The following METTL23 variants were observed in gnomAD, a reference collection of about 807,000 sequenced individuals.
The protein encoded by METTL23 is histone-arginine methyltransferase METTL23.
Under a neutral mutation model 21.2 loss-of-function variants are expected in METTL23, and 24 were observed. That is an observed-to-expected ratio of 1.13 (90% CI 0.82 to 1.59). The LOEUF (loss-of-function observed/expected upper bound fraction) is 1.59, where lower values mean the gene tolerates loss of function less well. Ranked by LOEUF, METTL23 falls within the 40% of genes most tolerant of loss-of-function variation. The pLI is 0.00. For missense variants in METTL23, 276 were observed against 221.4 expected (o/e 1.25, Z -1.57); for synonymous variants, 97 against 75.2 (o/e 1.29, Z -1.50).
intron 2 of METTL23, among the ~76,000 whole-genome samples, chr17:76,730,165 G>A (rs572906970): frequency 3.3e-5 from 5 of 152,012 alleles, no homozygotes; most frequent in South Asian, 2.1e-4. Flanking sequence ...GGTGGTGCAC[G>A]CCTGTAATCC....
Position 76,726,993 on chromosome 17 carries a change from GCTTCC to G in METTL23, c.-205_-201del, listed in dbSNP as rs2076965465. On this transcript the variant is annotated 5_prime_UTR_variant, in exon 1 of 5. Transcript: ENST00000341249. ...AGGTGCTACGGCCACGTGGCCCGCG[GCTTCC>G]CGCTCGCGCAGTCTGGCAGCCCGGA... The G allele has an allele frequency of 2.2e-6, 1 of 456,434 alleles. No homozygotes were observed. Among genetic ancestry groups the G allele is most frequent in the East Asian group, 7.0e-5 (1 of 14,380 alleles). The allele number at this position is 456,434 out of a possible 1,614,324, so 28.3% of individuals were successfully genotyped here.
upstream of METTL23, chr17:76,726,645 C>G (rs1212765652): frequency 5.3e-6 from 5 of 938,800 alleles, no homozygotes; most frequent in Admixed American, 3.1e-5. Flanking sequence ...CAGCCACCTC[C>G]CGAGCCTCGG....
intron 1 of METTL23, among the ~76,000 whole-genome samples, chr17:76,729,159 C>T (rs111745981): frequency 1.1e-4 from 17 of 151,502 alleles, no homozygotes; most frequent in South Asian, 4.2e-4. Context: ...GGCGCAGTCT[C>T]GGCTCACTGC....
At chr17:76,728,534 C>T (rs1252451814) in intron 1 of METTL23, among the ~76,000 whole-genome samples, 1 of 151,928 alleles carries the variant, frequency 6.6e-6, no homozygotes, top group South Asian at 2.1e-4. Flanking sequence ...CCTCAGCCTC[C>T]CAAGTAGCTG....
At chr17:76,731,305 T>C (rs1305818541) in intron 2 of METTL23, among the ~76,000 whole-genome samples, 2 of 152,336 alleles carry the variant, frequency 1.3e-5, no homozygotes, top group Admixed American at 6.5e-5. Context: ...GTATCAGTTC[T>C]GGAGGCAGTG....
At chr17:76,728,325 C>T (rs2077044307) in intron 1 of METTL23, among the ~76,000 whole-genome samples, 1 of 144,406 alleles carries the variant, frequency 6.9e-6, no homozygotes, top group Admixed American at 6.7e-5. Context: ...CAACCTCAAC[C>T]TCTGGGCTCA....
Position 76,733,623 on chromosome 17 carries a change from T to C in METTL23, c.510T>C (p.Ser170=), listed in dbSNP as rs1394390766. ...CAGACAAAGAAGATATAGCAGAATC[T>C]ACCCTTCCAGGAAGACATACAGTTG... ...FDADKEDIAE[S]TLPGRHTVEM... is the part of the protein sequence containing the mutation. The change falls in exon 5 of 5, where the codon TCT becomes TCC. Residue 170 remains serine (S), a synonymous_variant. Transcript: ENST00000341249. 4 of 1,613,918 alleles carry C rather than the reference T, an allele frequency of 2.5e-6. No individual in the cohort carries two copies. The highest frequency in any genetic ancestry group is 1.1e-5 in the South Asian group (1 of 91,068).
At chr17:76,730,321 T>C (rs2077149942) in intron 2 of METTL23, among the ~76,000 whole-genome samples, 2 of 151,044 alleles carry the variant, frequency 1.3e-5, no homozygotes, top group Non-Finnish European at 2.9e-5. Context: ...TTAAAGAAGA[T>C]ACTGGGTGTG....
chr17:76,729,253 T>C (rs530755474), intron 1 of METTL23, among the ~76,000 whole-genome samples: 1 of 152,106 alleles, frequency 6.6e-6, no homozygotes, highest in African/African-American at 2.4e-5. Context: ...TAATTTTTTG[T>C]ATTTTTAGTA....
chr17:76,731,728 A>G (rs1416457552), intron 2 of METTL23, among the ~76,000 whole-genome samples: 1 of 152,248 alleles, frequency 6.6e-6, no homozygotes, highest in Non-Finnish European at 1.5e-5. Flanking sequence ...GGCTAAATAG[A>G]CAAACCAGAA....
At chr17:76,731,254 AAC>A (rs2143835095) in intron 2 of METTL23, among the ~76,000 whole-genome samples, 1 of 152,084 alleles carries the variant, frequency 6.6e-6, no homozygotes, top group African/African-American at 2.4e-5. Context: ...CAGCCTGGGC[AAC>A]AGAGCGAGAC....
chr17:76,733,572 C>A lies in METTL23; in HGVS notation c.459C>A (p.Val153=). The change falls in exon 5 of 5, where the codon GTC becomes GTA. Residue 153 remains valine, a synonymous_variant. Coordinates refer to ENST00000341249, the MANE Select transcript of METTL23 (RefSeq NM_001080510.5). ...TCTACAAATGGGATATGAAATGTGT[C>A]CACATTCCTCTTGAGTCTTTTGATG... The part of the protein sequence containing the change: ...ALLYKWDMKC[V]HIPLESFDAD... 5.0e-6 allele frequency: 8 copies of A among 1,613,750 alleles called. No homozygotes were observed. Among genetic ancestry groups the A allele is most frequent in the Non-Finnish European group, 6.8e-6 (8 of 1,179,794 alleles).
At position 76,732,714 on chromosome 17, in the gene METTL23, C is replaced by T. The variant is rs1477588351; in HGVS notation, c.85-264C>T. On this transcript the variant is annotated intron_variant, in intron 2 of 4. Transcript: ENST00000341249. ...CCCAAAACTACTTCTGTGTGCATAG[C>T]AATTAACTGCCAGTTACGATACATG... is the stretch of plus-strand genomic sequence containing the variant. 3 of 508,828 alleles carry T rather than the reference C, an allele frequency of 5.9e-6. No individual in the cohort carries two copies. The East Asian group carries it at 1.1e-4, about 18-fold the overall frequency. The allele number at this position is 508,828 out of a possible 1,614,324, so 31.5% of individuals were successfully genotyped here. A position where few individuals can be genotyped will look rare whatever the true frequency, so the allele number is the denominator to read the frequency against.
intron 2 of METTL23, among the ~76,000 whole-genome samples, chr17:76,731,120 A>G (rs1214440122): frequency 1.3e-5 from 2 of 151,090 alleles, no homozygotes; most frequent in African/African-American, 4.9e-5. Context: ...AAAAAAAAAG[A>G]TAAAATTAGC....
In METTL23 at chr17:76,732,749, T is replaced by C. The variant is rs907697006; in HGVS notation, c.85-229T>C. 1.0e-5 allele frequency: 6 copies of C among 573,388 alleles called. No homozygotes were observed. The East Asian group carries it at 1.2e-4, about 11-fold the overall frequency. The allele number at this position is 573,388 out of a possible 1,614,324, so 35.5% of individuals were successfully genotyped here. On this transcript the variant is annotated intron_variant, in intron 2 of 4. Coordinates refer to ENST00000341249, the MANE Select transcript of METTL23 (RefSeq NM_001080510.5). Reference sequence around the variant, plus strand: ...CCAGTTACGATACATGGCCCTTTAATATTGAAATTGAAGGTTAAGCTTTTA... The same window carrying C: ...CCAGTTACGATACATGGCCCTTTAACATTGAAATTGAAGGTTAAGCTTTTA...
At chr17:76,727,435 A>T (rs1261548195) in intron 1 of METTL23, 7 of 227,542 alleles carry the variant, frequency 3.1e-5, no homozygotes, top group Non-Finnish European at 5.5e-5. Flanking sequence ...TGTAAGCTTA[A>T]GTGATCCTCC....
upstream of METTL23, chr17:76,726,571 G>GT (rs1189457576): frequency 1.0e-5 from 15 of 1,447,944 alleles, no homozygotes; most frequent in African/African-American, 2.1e-4. Flanking sequence ...GGCGACGGCA[G>GT]TACCCAAACG....
chr17:76,730,919 C>A (rs900314476), intron 2 of METTL23, among the ~76,000 whole-genome samples: 8 of 151,886 alleles, frequency 5.3e-5, no homozygotes, highest in African/African-American at 1.9e-4. Flanking sequence ...CTGGCTAACA[C>A]GGTGAAACCC....
In METTL23 at chr17:76,727,086, C is replaced by T. The variant is rs915385490; in HGVS notation, c.-114C>T. On this transcript the variant is annotated 5_prime_UTR_variant, in exon 1 of 5. Coordinates refer to ENST00000341249, the MANE Select transcript of METTL23 (RefSeq NM_001080510.5). ...CGCCCTACTGGGCGAGCACGATTTC[C>T]GAGGACAGGGGGTCCGGGCCCAGCG... 5 of 454,712 alleles carry T rather than the reference C, an allele frequency of 1.1e-5. No individual in the cohort carries two copies. The highest frequency in any genetic ancestry group is 7.1e-5 in the Admixed American group (3 of 42,504). The allele number at this position is 454,712 out of a possible 1,614,324, so 28.2% of individuals were successfully genotyped here. A position where few individuals can be genotyped will look rare whatever the true frequency, so the allele number is the denominator to read the frequency against.
Sources: gnomAD v4.1 joint callset for allele counts (sites outside exome capture counted in the v4.1 genomes callset) on GRCh38, gnomAD v4.1.1 for gene constraint, MANE v1.5 for transcripts, NCBI Gene and HGNC (gene_info 2026-07-23, HGNC 2026-07-21) for gene names.